Variants in TENM3 observed in about 807,000 individuals in gnomAD.
TENM3 encodes the protein teneurin-3.
Under a neutral mutation model 255.1 loss-of-function variants are expected in TENM3, and 63 were observed. The ratio of observed to expected loss-of-function variants is 0.25; its 90% confidence interval spans 0.20 to 0.30. The LOEUF is 0.30. Among genes scored for constraint, TENM3 ranks in the 10% least tolerant of loss-of-function variants. TENM3 has a pLI of 1.00. For missense variants in TENM3, 2,929 were observed against 3,461.1 expected (o/e 0.85, Z 3.86); for synonymous variants, 1,306 against 1,322.3 (o/e 0.99, Z 0.27).
At chr4:182,276,920 A>G (rs934891763) in intron 1 of TENM3, among the ~76,000 whole-genome samples, 13 of 152,358 alleles carry the variant, frequency 8.5e-5, no homozygotes, top group African/African-American at 2.9e-4. Flanking sequence ...TCAGTCCTGT[A>G]AACAGGACTA....
chr4:181,660,973 A>G, the TENM3 span, among the ~76,000 whole-genome samples: 2 of 152,304 alleles, frequency 1.3e-5, no homozygotes, highest in African/African-American at 4.8e-5. Context: ...CCACAATGCA[A>G]CAAGCTTCTA....
intron 3 of TENM3, among the ~76,000 whole-genome samples, chr4:182,528,485 A>G (rs1332693892): frequency 2.0e-5 from 3 of 152,164 alleles, no homozygotes; most frequent in African/African-American, 7.2e-5. Context: ...AAAATAGGCT[A>G]TTTCTCTGAT....
the TENM3 span, among the ~76,000 whole-genome samples, chr4:181,728,925 T>C: frequency 1.1e-4 from 17 of 152,202 alleles, no homozygotes; most frequent in Non-Finnish European, 2.5e-4. Context: ...ATTATTATGT[T>C]GTTTCCTTAA....
chr4:182,158,521 T>C lies in TENM3; in HGVS notation c.-76+13767T>C, dbSNP rs182701090. 9.2e-5 allele frequency among the ~76,000 whole-genome samples: 14 copies of C among 152,326 alleles called. No homozygotes were observed. In the East Asian group the frequency reaches 1.7e-3, roughly 19 times the overall value. ...GGTAATCTTGAATGCCATCCTCTTC[T>C]ACCCATTTTGGAGGAGAAAATGTTT... is the stretch of plus-strand genomic sequence containing the variant. On this transcript the variant is annotated intron_variant, in intron 1 of 2. Transcript: ENST00000512480.
intron 3 of TENM3, among the ~76,000 whole-genome samples, chr4:182,420,171 C>A (rs1770718135): frequency 6.6e-6 from 1 of 152,052 alleles, no homozygotes; most frequent in African/African-American, 2.4e-5. Flanking sequence ...ATCTGTCAAG[C>A]AGCCTCCTGT....
intron 1 of TENM3, among the ~76,000 whole-genome samples, chr4:182,295,585 A>G (rs184109519): frequency 1.2e-4 from 19 of 152,012 alleles, no homozygotes; most frequent in African/African-American, 4.3e-4. Flanking sequence ...GTGCTTTTCT[A>G]GTCTTTATAT....
the TENM3 span, among the ~76,000 whole-genome samples, chr4:181,683,033 T>C: frequency 4.5e-4 from 68 of 151,236 alleles, no homozygotes; most frequent in Non-Finnish European, 8.1e-4. Flanking sequence ...GATTCCATCA[T>C]TAAATAAATA....
upstream of TENM3, among the ~76,000 whole-genome samples, chr4:182,139,482 G>A (rs1208898825): frequency 6.6e-6 from 1 of 152,164 alleles, no homozygotes; most frequent in African/African-American, 2.4e-5. Context: ...AAATTGTCCT[G>A]TAGTGTCACT....
intron 3 of TENM3, among the ~76,000 whole-genome samples, chr4:182,593,111 T>C (rs1338139406): frequency 6.6e-6 from 1 of 152,210 alleles, no homozygotes; most frequent in Non-Finnish European, 1.5e-5. Flanking sequence ...TTTTAGGCAA[T>C]GTGGCAACCT....
intron 3 of TENM3, among the ~76,000 whole-genome samples, chr4:182,385,219 A>G (rs1038374010): frequency 2.7e-5 from 4 of 150,616 alleles, no homozygotes; most frequent in Admixed American, 2.0e-4. Context: ...CCAGCAGGGA[A>G]TCTTAAGAGG....
chr4:181,799,096 A>C, the TENM3 span, among the ~76,000 whole-genome samples: 1 of 152,230 alleles, frequency 6.6e-6, no homozygotes, highest in Non-Finnish European at 1.5e-5. Flanking sequence ...CAAATGTAAT[A>C]TCCTTAGAAA....
At chr4:181,996,159 T>TAA in the TENM3 span, among the ~76,000 whole-genome samples, 4,719 of 138,994 alleles carry the variant, frequency 0.034, 223 homozygotes, top group African/African-American at 0.11. Flanking sequence ...TCGCTACGGT[T>TAA]AAAAAAAAAA....
At chr4:182,670,139 CTT>C (rs148989401) in intron 6 of TENM3, among the ~76,000 whole-genome samples, 2,271 of 152,222 alleles carry the variant, frequency 0.015, 66 homozygotes, top group African/African-American at 0.05. Flanking sequence ...TTTTTTCTCT[CTT>C]TATTTAACTG....
chr4:182,017,069 A>C, the TENM3 span, among the ~76,000 whole-genome samples: 1 of 152,224 alleles, frequency 6.6e-6, no homozygotes, highest in African/African-American at 2.4e-5. Context: ...ACCACAGGCA[A>C]AATTAAGTCT....
intron 6 of TENM3, among the ~76,000 whole-genome samples, chr4:182,666,979 T>C (rs1228016129): frequency 6.6e-6 from 1 of 152,146 alleles, no homozygotes; most frequent in African/African-American, 2.4e-5. Context: ...TATGCACTGG[T>C]AAACCAAAAA....
chr4:182,020,216 A>G, the TENM3 span, among the ~76,000 whole-genome samples: 1 of 151,862 alleles, frequency 6.6e-6, no homozygotes, highest in African/African-American at 2.4e-5. Context: ...AATACAAAAA[A>G]TTAGCTGGGC....
chr4:182,780,238 T>C (rs1482818094), intron 24 of TENM3, among the ~76,000 whole-genome samples: 2 of 148,466 alleles, frequency 1.3e-5, no homozygotes, highest in Non-Finnish European at 3.0e-5. Context: ...TTGTATAAGG[T>C]GTAAGGAAGG....
the TENM3 span, among the ~76,000 whole-genome samples, chr4:181,710,888 AG>A: frequency 6.7e-5 from 10 of 150,102 alleles, no homozygotes; most frequent in Non-Finnish European, 1.3e-4. Context: ...AAGGAAAAAA[AG>A]AAAAAAAAAA....
the TENM3 span, among the ~76,000 whole-genome samples, chr4:181,469,943 A>G: frequency 6.6e-6 from 1 of 151,976 alleles, no homozygotes; most frequent in Non-Finnish European, 1.5e-5. Context: ...GTTAAGTCTG[A>G]TTATTATGTA....
Sources: allele counts gnomAD v4.1 joint callset (sites outside exome capture counted in the v4.1 genomes callset), GRCh38; gene constraint gnomAD v4.1.1; transcripts MANE v1.5; gene names NCBI Gene and HGNC (gene_info 2026-07-23, HGNC 2026-07-21).